The following NOS1 variants were observed in gnomAD, a reference collection of about 807,000 sequenced individuals.
The protein encoded by NOS1 is nitric oxide synthase 1.
A neutral mutation model predicts 164.5 loss-of-function variants in NOS1; 51 were observed. That is an observed-to-expected ratio of 0.31 (90% CI 0.25 to 0.39). NOS1 has a LOEUF of 0.39. Among genes scored for constraint, NOS1 ranks in the 10% least tolerant of loss-of-function variants. The pLI, the probability that NOS1 is intolerant of heterozygous loss-of-function variation, is 1.00. For missense variants in NOS1, 1,362 were observed against 1,885.6 expected, an observed-to-expected ratio of 0.72 and a Z score of 5.14; for synonymous variants, 719 against 745.8, an observed-to-expected ratio of 0.96 and a Z score of 0.59.
intron 2 of NOS1, among the ~76,000 whole-genome samples, chr12:117,313,290 G>T (rs1482814613): frequency 6.6e-6 from 1 of 152,114 alleles, no homozygotes; most frequent in African/African-American, 2.4e-5. Flanking sequence ...GGCTTGTTCT[G>T]GATGCTAGCG....
Position 117,331,282 on chromosome 12 carries a change from C to A in NOS1, c.-213G>T. On this transcript the variant is annotated 5_prime_UTR_variant, in exon 2 of 29. Transcript: ENST00000317775. The stretch of plus-strand genomic sequence containing the variant: ...CGTCGGTGGCATGATTTCCTGCATC[C>A]GCCTCTCTCCTTATTCTCTAAGGAA... 1.7e-6 allele frequency: 1 copy of A among 581,686 alleles called. No homozygotes were observed. Among genetic ancestry groups the A allele is most frequent in the Non-Finnish European group, 3.0e-6 (1 of 330,430 alleles). The allele number at this position is 581,686 out of a possible 1,614,324, so 36.0% of individuals were successfully genotyped here. A position where few individuals can be genotyped will look rare whatever the true frequency, so the allele number is the denominator to read the frequency against.
At chr12:117,255,105 T>C (rs1049518791) in intron 16 of NOS1, among the ~76,000 whole-genome samples, 2 of 152,168 alleles carry the variant, frequency 1.3e-5, no homozygotes, top group African/African-American at 2.4e-5. Context: ...AGTATAATAA[T>C]AATAAAATTA....
At chr12:117,290,602 ACCTG>A (rs1872984650) in intron 3 of NOS1, among the ~76,000 whole-genome samples, 176 bp from the exon 4 acceptor site, 7 of 151,658 alleles carry the variant, frequency 4.6e-5, no homozygotes, top group African/African-American at 1.7e-4. Context: ...GTTCCTGGGA[ACCTG>A]ATTTCCCCAC....
rs543129014 is a variant in NOS1, at chr12:117,289,601, C to A, written c.981+697G>T. Among the ~76,000 whole-genome samples the A allele has an allele frequency of 1.3e-5, 2 of 152,306 alleles. 1 individual carries two copies. Among genetic ancestry groups the A allele is most frequent in the South Asian group, 4.1e-4 (2 of 4,822 alleles). On this transcript the variant is annotated intron_variant, in intron 4 of 28. Coordinates refer to ENST00000317775, the MANE Select transcript of NOS1 (RefSeq NM_000620.5). ...ATATGTATACATGTGCCATGGTGGG[C>A]ACCTATCAACCCATCATCTAGGTTT...
Position 117,214,483 on chromosome 12 carries a change from G to A in NOS1, c.*826C>T. ...ATTCTAGCTGGTATGGGTGGGTTTG[G>A]GGAGGGGATTTGCACAATCCATTGG... On this transcript the variant is annotated 3_prime_UTR_variant, in exon 29 of 29. Transcript: ENST00000317775. 1 of 985,332 alleles carries A rather than the reference G, an allele frequency of 1.0e-6. No individual in the cohort carries two copies. Among genetic ancestry groups the A allele is most frequent in the Non-Finnish European group, 1.2e-6 (1 of 829,916 alleles). The allele number at this position is 985,332 out of a possible 1,614,324, so 61.0% of individuals were successfully genotyped here. A position where few individuals can be genotyped will look rare whatever the true frequency, so the allele number is the denominator to read the frequency against.
At position 117,227,456 on chromosome 12, in the gene NOS1, C is replaced by G; in HGVS notation, c.3591G>C (p.Val1197=). 1 of 1,613,770 alleles carries G rather than the reference C, an allele frequency of 6.2e-7. No homozygotes were observed. The highest frequency in any genetic ancestry group is 8.5e-7 in the Non-Finnish European group (1 of 1,179,948). The change falls in exon 23 of 29, where the codon GTG becomes GTC. Residue 1197 remains valine (V), a synonymous_variant. Coordinates refer to ENST00000317775, the MANE Select transcript of NOS1 (RefSeq NM_000620.5). ...DMYPDEVHLT[V]AIVSYRTRDG... The stretch of plus-strand genomic sequence containing the variant: ...CTCGAGTGCGGTAGGAAACGATGGC[C>G]ACAGTGAGGTGCACTTCATCAGGGT...
In NOS1 at chr12:117,234,793, G is replaced by A; in HGVS notation, c.3042-35C>T. 1.3e-6 allele frequency: 2 copies of A among 1,558,650 alleles called. No homozygotes were observed. Among genetic ancestry groups the A allele is most frequent in the East Asian group, 2.3e-5 (1 of 43,570 alleles). On this transcript the variant is annotated intron_variant, in intron 20 of 28. Coordinates refer to ENST00000317775, the MANE Select transcript of NOS1 (RefSeq NM_000620.5). This position sits in a 1 kb window ranked among gnomAD's most constrained non-coding sequence, Gnocchi z 4.3. ...ATTGCAGAGGAATCATAGGACAAGG[G>A]CCAGCAGCTACTTCCTCCTTTTTTT...
At chr12:117,225,913 G>A (rs1868632669) in intron 24 of NOS1, among the ~76,000 whole-genome samples, 1 of 152,202 alleles carries the variant, frequency 6.6e-6, no homozygotes, top group Non-Finnish European at 1.5e-5. Flanking sequence ...ACAGGCGTGA[G>A]CCACTGCGCC....
intron 16 of NOS1, 72 bp from the exon 17 acceptor site, chr12:117,253,826 C>T: frequency 1.0e-6 from 1 of 973,480 alleles, no homozygotes; most frequent in Non-Finnish European, 1.7e-6. Flanking sequence ...CTTGATGGAT[C>T]TTCAAGTGAC....
chr12:117,297,901 A>G (rs1403644687), intron 3 of NOS1, among the ~76,000 whole-genome samples: 1 of 152,024 alleles, frequency 6.6e-6, no homozygotes, highest in African/African-American at 2.4e-5. Flanking sequence ...ACACCAGGGG[A>G]GGCAGGCAGG....
rs1241922266 is a variant in NOS1 at position 117,243,055 on chromosome 12, T to C, written c.2962+242A>G. Among the ~76,000 whole-genome samples the C allele has an allele frequency of 6.6e-6, 1 of 151,940 alleles. No homozygotes were observed. Among genetic ancestry groups the C allele is most frequent in the Non-Finnish European group, 1.5e-5 (1 of 67,988 alleles). ...AGAACAAAAAGAAAATATAGTTGAG[T>C]TAAGTTGAGAAGAGGATGGTTTGGA... On this transcript the variant is annotated intron_variant, in intron 19 of 28. Transcript: ENST00000317775. The surrounding 1 kb of genome is among the most constrained non-coding windows in gnomAD (Gnocchi z 4.3).
At position 117,359,894 on chromosome 12, in the gene NOS1, ATATATATATATATATATATATAT is replaced by A. The variant is rs1877048570; in HGVS notation, c.-421+1595_-421+1617del. Among the ~76,000 whole-genome samples, 2 of 37,332 alleles carry A rather than the reference ATATATATATATATATATATATAT, an allele frequency of 5.4e-5. 1 individual carries two copies. The highest frequency in any genetic ancestry group is 1.1e-4 in the Non-Finnish European group (2 of 19,008). 24.5% of individuals were successfully genotyped at this position (37,332 alleles called of 152,430 possible). A position where few individuals can be genotyped will look rare whatever the true frequency, so the allele number is the denominator to read the frequency against. The stretch of plus-strand genomic sequence containing the variant: ...AATGGTTTTATATATATATATATAT[ATATATATATATATATATATATAT>A]ATATATATATATATATATCAGCAAC... On this transcript the variant is annotated intron_variant, in intron 1 of 28. Transcript: ENST00000317775.
chr12:117,271,398 C>A (rs1872781063), intron 10 of NOS1, among the ~76,000 whole-genome samples: 1 of 152,206 alleles, frequency 6.6e-6, no homozygotes, highest in African/African-American at 2.4e-5. Context: ...CTGGCTCAGC[C>A]TTCTGAGTAG....
chr12:117,325,681 T>G (rs1162681374), intron 2 of NOS1, among the ~76,000 whole-genome samples: 1 of 152,220 alleles, frequency 6.6e-6, no homozygotes, highest in African/African-American at 2.4e-5. Context: ...AAGGAAAAAT[T>G]GATTTACCCA....
At position 117,355,909 on chromosome 12, in the gene NOS1, G is replaced by A. The variant is rs550313656; in HGVS notation, c.-421+5603C>T. Among the ~76,000 whole-genome samples the A allele has an allele frequency of 2.9e-4, 44 of 152,150 alleles. 1 individual carries two copies. The South Asian group carries it at 8.7e-3, about 30-fold the overall frequency. On this transcript the variant is annotated intron_variant, in intron 1 of 28. Coordinates refer to ENST00000317775, the MANE Select transcript of NOS1 (RefSeq NM_000620.5). ...TGAGCAGCTGGGACCACAGGTGCAC[G>A]CCACCACACCTGGCTAATTTTTTTG... is the stretch of plus-strand genomic sequence containing the variant.
In NOS1 at chr12:117,209,479, A is replaced by G. The variant is rs973399189; in HGVS notation, c.*5830T>C. 1.4e-5 allele frequency: 14 copies of G among 985,384 alleles called. No homozygotes were observed. The African/African-American group carries it at 2.3e-4, about 16-fold the overall frequency. The allele number at this position is 985,384 out of a possible 1,614,324, so 61.0% of individuals were successfully genotyped here. A position where few individuals can be genotyped will look rare whatever the true frequency, so the allele number is the denominator to read the frequency against. ...CGATGTCCTGGAGTTACTTTCTAAA[A>G]GACTACAGGAAGCAGTGCATGGAGG... On this transcript the variant is annotated 3_prime_UTR_variant, in exon 29 of 29. Coordinates refer to ENST00000317775, the MANE Select transcript of NOS1 (RefSeq NM_000620.5).
chr12:117,347,510 T>G (rs1367311303), intron 1 of NOS1, among the ~76,000 whole-genome samples: 2 of 152,112 alleles, frequency 1.3e-5, no homozygotes, highest in African/African-American at 2.4e-5. Context: ...GTGGCCCCCG[T>G]CATTCATTTG....
At chr12:117,229,711 C>T (rs1027604462) in intron 22 of NOS1, among the ~76,000 whole-genome samples, 1 of 152,144 alleles carries the variant, frequency 6.6e-6, no homozygotes, top group Non-Finnish European at 1.5e-5. Flanking sequence ...ACCTCAGCCT[C>T]CCGAGTAGCT....
In NOS1 at chr12:117,253,722, G is replaced by A; in HGVS notation, c.2564C>T (p.Ser855Phe). The A allele has an allele frequency of 6.2e-7, 1 of 1,614,040 alleles. No individual in the cohort carries two copies. Among genetic ancestry groups the A allele is most frequent in the Non-Finnish European group, 8.5e-7 (1 of 1,179,976 alleles). ...TGATGATTTTTGGGAGTCAGAGTAG[G>A]AGGAGACGCTGTTGAATCGGACCTT... ...SYKVRFNSVS[S>F]YSDSQKSSGD... is the part of the protein sequence containing the mutation. Residue 855 changes from serine (S) to phenylalanine (F), a missense_variant, in exon 17 of 29, where the codon TCC becomes TTC. Ser to Phe is a radical substitution (Grantham distance 155, BLOSUM62 -2). Transcript: ENST00000317775.
Sources: allele counts gnomAD v4.1 joint callset (sites outside exome capture counted in the v4.1 genomes callset), GRCh38; gene constraint gnomAD v4.1.1; non-coding constraint Gnocchi (gnomAD v3.1); transcripts MANE v1.5; gene names NCBI Gene and HGNC (gene_info 2026-07-23, HGNC 2026-07-21).